The following NECAB1 variants were observed in gnomAD, a reference collection of about 807,000 sequenced individuals.
The protein encoded by NECAB1 is N-terminal EF-hand calcium binding protein 1.
In NECAB1, 29 loss-of-function variants were observed where a neutral mutation model predicts 57.5. The observed-to-expected ratio is 0.50, with a 90% CI of 0.38 to 0.69. The LOEUF (loss-of-function observed/expected upper bound fraction) is 0.69. NECAB1 is among the 30% of genes least tolerant of loss of function. NECAB1 has a pLI of 0.00. For missense variants in NECAB1, 372 were observed against 413.8 expected (o/e 0.90, Z 0.88); for synonymous variants, 142 against 147.7 (o/e 0.96, Z 0.28).
intron 2 of NECAB1, among the ~76,000 whole-genome samples, chr8:90,823,812 A>G (rs1443201726): frequency 6.6e-6 from 1 of 151,862 alleles, no homozygotes; most frequent in Non-Finnish European, 1.5e-5. Context: ...TTGGCAGCTT[A>G]TCTGAGATAA....
intron 5 of NECAB1, among the ~76,000 whole-genome samples, chr8:90,892,731 C>T (rs971089885): frequency 1.3e-5 from 2 of 152,292 alleles, no homozygotes; most frequent in East Asian, 1.9e-4. Context: ...GTCACAGCAC[C>T]GAAGTCATTA....
At position 90,834,195 on chromosome 8, in the gene NECAB1, A is replaced by G. The variant is rs376554090; in HGVS notation, c.233+9370A>G. On this transcript the variant is annotated intron_variant, in intron 3 of 12. Coordinates refer to ENST00000417640, the MANE Select transcript of NECAB1 (RefSeq NM_022351.5). ...AAAAAAAAAAAAAAAAAAAGATTTCAGAATTTTAGAAATAAATGTAGATTA... is the reference window on the plus strand; with the variant it reads ...AAAAAAAAAAAAAAAAAAAGATTTCGGAATTTTAGAAATAAATGTAGATTA... Among the ~76,000 whole-genome samples the G allele has an allele frequency of 3.1e-4, 47 of 150,068 alleles. 1 individual carries two copies. The highest frequency in any genetic ancestry group is 1.1e-3 in the African/African-American group (45 of 41,054).
At chr8:90,876,322 C>T (rs952683354) in intron 4 of NECAB1, among the ~76,000 whole-genome samples, 8 of 152,054 alleles carry the variant, frequency 5.3e-5, no homozygotes, top group African/African-American at 1.9e-4. Context: ...CAAAATAGCC[C>T]ACATTTCTAG....
At chr8:90,931,565 A>G (rs2101378) in intron 8 of NECAB1, among the ~76,000 whole-genome samples, 78,320 of 152,060 alleles carry the variant, frequency 0.52, 23,159 homozygotes, top group African/African-American at 0.79. Context: ...AATTTATGGG[A>G]ATATACTGAG....
chr8:90,799,982 C>T (rs1216663837), intron 1 of NECAB1, among the ~76,000 whole-genome samples: 1 of 152,094 alleles, frequency 6.6e-6, no homozygotes, highest in Non-Finnish European at 1.5e-5. Context: ...TGATTTCTTT[C>T]AGCAGTGTTT....
chr8:90,925,843 T>C (rs1335897377), intron 7 of NECAB1, among the ~76,000 whole-genome samples, 187 bp downstream of exon 7: 3 of 152,188 alleles, frequency 2.0e-5, no homozygotes, highest in African/African-American at 7.2e-5. Context: ...AAAATCAGCA[T>C]GGTCAGAATC....
At chr8:90,907,141 T>TGA (rs1352529506) in intron 5 of NECAB1, among the ~76,000 whole-genome samples, 439 of 127,000 alleles carry the variant, frequency 3.5e-3, no homozygotes, top group East Asian at 9.3e-3. Context: ...TGTGTGTGTG[T>TGA]GTGTGTGTGT....
intron 5 of NECAB1, among the ~76,000 whole-genome samples, chr8:90,906,294 T>C (rs761498324): frequency 1.3e-5 from 2 of 152,180 alleles, no homozygotes; most frequent in Admixed American, 6.5e-5. Context: ...ATCTTGATTT[T>C]AGGTTTTCAG....
intron 3 of NECAB1, among the ~76,000 whole-genome samples, chr8:90,850,383 A>C (rs1308971094): frequency 2.6e-5 from 4 of 152,214 alleles, no homozygotes; most frequent in Non-Finnish European, 5.9e-5. Flanking sequence ...TCCCACTAGG[A>C]TATTGAGTAA....
At chr8:90,885,483 G>C (rs16905862) in intron 5 of NECAB1, among the ~76,000 whole-genome samples, 16,567 of 152,172 alleles carry the variant, frequency 0.11, 1,076 homozygotes, top group African/African-American at 0.19. Context: ...AGGAATAGCT[G>C]TCAATGCCAA....
At chr8:90,862,368 C>T (rs1183159195) in intron 3 of NECAB1, among the ~76,000 whole-genome samples, 2 of 152,020 alleles carry the variant, frequency 1.3e-5, no homozygotes, top group African/African-American at 2.4e-5. Flanking sequence ...TTGGAGATAC[C>T]TTTTTACCTT....
At chr8:90,933,095 G>C (rs886510519) in intron 8 of NECAB1, among the ~76,000 whole-genome samples, 1 of 152,220 alleles carries the variant, frequency 6.6e-6, no homozygotes, top group Non-Finnish European at 1.5e-5. Flanking sequence ...TGGCATGGAT[G>C]TGGTGAACAG....
At chr8:90,955,112 T>TTATATATA (rs59244524) in intron 12 of NECAB1, among the ~76,000 whole-genome samples, 3,654 of 70,446 alleles carry the variant, frequency 0.052, 303 homozygotes, top group East Asian at 0.08. Context: ...GGTATATAAA[T>TTATATATA]TATATATATA....
At chr8:90,816,891 T>C (rs760954785) in intron 2 of NECAB1, among the ~76,000 whole-genome samples, 6 of 151,654 alleles carry the variant, frequency 4.0e-5, no homozygotes, top group Non-Finnish European at 7.4e-5. Flanking sequence ...ATCAATAGAT[T>C]AAGTTGGGAA....
At chr8:90,947,547 C>T (rs1039633782) in intron 10 of NECAB1, among the ~76,000 whole-genome samples, 5 of 151,996 alleles carry the variant, frequency 3.3e-5, no homozygotes, top group Non-Finnish European at 7.4e-5. Context: ...ATTACAGGCA[C>T]ATGCCACTGT....
intron 10 of NECAB1, among the ~76,000 whole-genome samples, chr8:90,947,615 G>A (rs1810842772): frequency 6.6e-6 from 1 of 152,086 alleles, no homozygotes; most frequent in African/African-American, 2.4e-5. Flanking sequence ...TGGCCAGGCT[G>A]GCCTTGAACT....
intron 1 of NECAB1, among the ~76,000 whole-genome samples, chr8:90,794,377 A>T (rs2130636420): frequency 6.6e-6 from 1 of 152,286 alleles, no homozygotes; most frequent in Non-Finnish European, 1.5e-5. Flanking sequence ...TCATATTATA[A>T]TACATAGGTG....
At chr8:90,931,788 C>T (rs961011413) in intron 8 of NECAB1, among the ~76,000 whole-genome samples, 1 of 152,106 alleles carries the variant, frequency 6.6e-6, no homozygotes, top group Admixed American at 6.5e-5. Context: ...CCTGTAATCC[C>T]AGCTACTTGG....
chr8:90,843,307 C>T (rs1448970129), intron 3 of NECAB1, among the ~76,000 whole-genome samples: 1 of 152,166 alleles, frequency 6.6e-6, no homozygotes, highest in Non-Finnish European at 1.5e-5. Context: ...ATATCACACA[C>T]CATTTCTTTG....
Sources: gnomAD v4.1 joint callset for allele counts (sites outside exome capture counted in the v4.1 genomes callset) on GRCh38, gnomAD v4.1.1 for gene constraint, MANE v1.5 for transcripts, NCBI Gene and HGNC (gene_info 2026-07-23, HGNC 2026-07-21) for gene names.